Variants in CYP2J2 observed in about 807,000 individuals in gnomAD.
CYP2J2 encodes the protein cytochrome P450 family 2 subfamily J member 2.
In CYP2J2, 41 loss-of-function variants were observed where a neutral mutation model predicts 48.8. That is an observed-to-expected ratio of 0.84 (90% CI 0.66 to 1.09). CYP2J2 has a LOEUF of 1.09. CYP2J2 is among the 50% of genes least tolerant of loss of function. The pLI is 0.00. For synonymous variants in CYP2J2, 221 were observed against 227.1 expected (o/e 0.97, Z 0.24); for missense variants, 644 against 617.3 (o/e 1.04, Z -0.46).
the CYP2J2 span, among the ~76,000 whole-genome samples, chr1:59,960,848 GAAAAT>G: frequency 2.0e-5 from 3 of 151,982 alleles, no homozygotes; most frequent in African/African-American, 7.3e-5. Flanking sequence ...ATCTTAAAAA[GAAAAT>G]AAAATAAAGG....
chr1:59,926,707 C>G lies in CYP2J2; in HGVS notation c.40G>C (p.Ala14Pro), dbSNP rs141303570. 3.1e-6 allele frequency: 5 copies of G among 1,613,382 alleles called. No individual in the cohort carries two copies. In the African/African-American group the frequency reaches 6.7e-5, roughly 22 times the overall value. Residue 14 changes from alanine to proline, a missense_variant, in exon 1 of 9, where the codon GCA becomes CCA. Ala to Pro is a conservative substitution (Grantham distance 27). Coordinates refer to ENST00000371204, the MANE Select transcript of CYP2J2 (RefSeq NM_000775.4). Reference protein sequence around the residue: ...AMGSLAAALWAVVHPRTLLLG... With the variant: ...AMGSLAAALWPVVHPRTLLLG... ...AGGAGAGTCCGAGGATGGACCACTG[C>G]CCAGAGGGCAGCCGCCAGAGAGCCC... is the stretch of plus-strand genomic sequence containing the variant.
chr1:59,925,420 T>TC (rs1187082624), intron 1 of CYP2J2, among the ~76,000 whole-genome samples: 1 of 152,204 alleles, frequency 6.6e-6, no homozygotes, highest in East Asian at 1.9e-4. Flanking sequence ...ATAGACTATA[T>TC]CTTGTGTCAT....
At chr1:59,930,727 TA>T (rs1392036218), upstream of CYP2J2, among the ~76,000 whole-genome samples, 5 of 152,226 alleles carry the variant, frequency 3.3e-5, no homozygotes, top group East Asian at 5.8e-4. Context: ...GCAGATGGTT[TA>T]TTTTTTTTTA....
At chr1:59,963,733 T>A in the CYP2J2 span, among the ~76,000 whole-genome samples, 8,959 of 152,206 alleles carry the variant, frequency 0.059, 641 homozygotes, top group African/African-American at 0.17. Context: ...TCAGGCGGCC[T>A]CAAGTGTAGC....
the CYP2J2 span, among the ~76,000 whole-genome samples, chr1:59,941,370 T>G: frequency 0.074 from 11,221 of 152,274 alleles, 432 homozygotes; most frequent in African/African-American, 0.1. Flanking sequence ...TTTGTGATAA[T>G]GCTGATGTGA....
At chr1:59,964,422 C>T in the CYP2J2 span, among the ~76,000 whole-genome samples, 1 of 152,156 alleles carries the variant, frequency 6.6e-6, no homozygotes, top group Non-Finnish European at 1.5e-5. Flanking sequence ...TGCTTTTTCG[C>T]ATTTTATGTT....
chr1:59,945,864 T>C, the CYP2J2 span, among the ~76,000 whole-genome samples: 2 of 152,236 alleles, frequency 1.3e-5, no homozygotes, highest in Non-Finnish European at 2.9e-5. Flanking sequence ...AAGTGTTAAT[T>C]GGCAAATCTA....
At chr1:59,965,707 A>C in the CYP2J2 span, among the ~76,000 whole-genome samples, 3 of 152,150 alleles carry the variant, frequency 2.0e-5, no homozygotes, top group African/African-American at 7.2e-5. Flanking sequence ...GCTGGAGGGC[A>C]GTGGTGTGAT....
At chr1:59,951,394 T>C in the CYP2J2 span, among the ~76,000 whole-genome samples, 1 of 152,286 alleles carries the variant, frequency 6.6e-6, no homozygotes, top group East Asian at 1.9e-4. Context: ...GCTTAAACTT[T>C]CATAGCATTT....
intron 8 of CYP2J2, among the ~76,000 whole-genome samples, chr1:59,896,328 G>GTATA (rs59615950): frequency 0.011 from 1,549 of 146,912 alleles, 15 homozygotes; most frequent in African/African-American, 0.035. Flanking sequence ...TACACACCAA[G>GTATA]TATATATATA....
chr1:59,912,150 T>C lies in CYP2J2; in HGVS notation c.523+12A>G, dbSNP rs1395140542. The C allele has an allele frequency of 1.9e-6, 3 of 1,609,604 alleles. No individual in the cohort carries two copies. The highest frequency in any genetic ancestry group is 1.3e-5 in the African/African-American group (1 of 74,800). The stretch of plus-strand genomic sequence containing the variant: ...GCCACAGTCTCTCACCTCTGTCATA[T>C]GCAATGCTCACCGTTCTCCTCTTTT... On this transcript the variant is annotated intron_variant, in intron 3 of 8. Coordinates refer to ENST00000371204, the MANE Select transcript of CYP2J2 (RefSeq NM_000775.4).
the CYP2J2 span, among the ~76,000 whole-genome samples, chr1:59,934,259 T>C: frequency 6.6e-6 from 1 of 152,076 alleles, no homozygotes; most frequent in Non-Finnish European, 1.5e-5. Flanking sequence ...AACCTAAACA[T>C]ATGACGTGAA....
rs375064977 is a variant in CYP2J2 at position 59,916,136 on chromosome 1, A to C, written c.211-36T>G. On this transcript the variant is annotated intron_variant, in intron 1 of 8. Transcript: ENST00000371204. The stretch of plus-strand genomic sequence containing the variant: ...GTTAAATCGTAACAGTTGAATATGC[A>C]CATGTCCATGTGTTCAGAAATGGAG... The C allele has an allele frequency of 2.2e-5, 35 of 1,571,464 alleles. No homozygotes were observed. The East Asian group carries it at 2.2e-4, about 10-fold the overall frequency.
intron 8 of CYP2J2, among the ~76,000 whole-genome samples, chr1:59,896,529 T>C (rs1644271138): frequency 6.6e-6 from 1 of 152,054 alleles, no homozygotes; most frequent in South Asian, 2.1e-4. Context: ...TGGATCAGTA[T>C]CCCTTGTATA....
At chr1:59,897,278 A>G (rs1009707091) in intron 8 of CYP2J2, among the ~76,000 whole-genome samples, 1 of 152,384 alleles carries the variant, frequency 6.6e-6, no homozygotes, top group South Asian at 2.1e-4. Context: ...AACTGGACCT[A>G]GCAAGTCAGG....
the CYP2J2 span, among the ~76,000 whole-genome samples, chr1:59,963,823 C>A: frequency 1.6e-4 from 25 of 152,098 alleles, no homozygotes; most frequent in Non-Finnish European, 3.5e-4. Flanking sequence ...AACAAGACAG[C>A]TTTAACATTT....
chr1:59,895,456 T>C (rs1644260582), intron 8 of CYP2J2, among the ~76,000 whole-genome samples: 1 of 152,182 alleles, frequency 6.6e-6, no homozygotes, highest in Admixed American at 6.5e-5. Flanking sequence ...TGCTATACAA[T>C]TGTGATGTGT....
chr1:59,895,756 C>T (rs990076158), intron 8 of CYP2J2, among the ~76,000 whole-genome samples: 34 of 152,154 alleles, frequency 2.2e-4, no homozygotes, highest in Non-Finnish European at 3.2e-4. Flanking sequence ...CCCACTAACT[C>T]GTCATCTAGC....
chr1:59,914,931 A>G (rs2102128570), intron 2 of CYP2J2, among the ~76,000 whole-genome samples: 1 of 152,340 alleles, frequency 6.6e-6, no homozygotes, highest in South Asian at 2.1e-4. Context: ...ATGCTGAGAT[A>G]GGAGAAAAAC....
Sources: gnomAD v4.1 joint callset for allele counts (sites outside exome capture counted in the v4.1 genomes callset) on GRCh38, gnomAD v4.1.1 for gene constraint, MANE v1.5 for transcripts, NCBI Gene and HGNC (gene_info 2026-07-23, HGNC 2026-07-21) for gene names.